The following IFI44L variants were observed in gnomAD, a reference collection of about 807,000 sequenced individuals.
IFI44L encodes the protein interferon induced protein 44 like, also known as interferon-induced protein 44-like.
A neutral mutation model predicts 39.3 loss-of-function variants in IFI44L; 40 were observed. The observed-to-expected ratio is 1.02, with a 90% confidence interval of 0.79 to 1.33. The LOEUF (loss-of-function observed/expected upper bound fraction) is 1.33. Ranked by LOEUF, IFI44L falls within the 40% of genes most tolerant of loss-of-function variation. IFI44L has a pLI of 0.00. For synonymous variants in IFI44L, 198 were observed against 182.3 expected (o/e 1.09, Z -0.69); for missense variants, 623 against 549.0 (o/e 1.13, Z -1.35).
At chr1:78,638,452 A>C (rs1454895857) in intron 6 of IFI44L, among the ~76,000 whole-genome samples, 1 of 152,086 alleles carries the variant, frequency 6.6e-6, no homozygotes. Flanking sequence ...ACTCTGGGAC[A>C]TGAATTCTAG....
chr1:78,635,026 GTATATATA>G (rs61477116), intron 4 of IFI44L, among the ~76,000 whole-genome samples: 1 of 148,160 alleles, frequency 6.7e-6, no homozygotes, highest in Admixed American at 6.7e-5. Context: ...GTGTGTATGT[GTATATATA>G]TATATATATA....
chr1:78,635,083 T>C (rs537056272), intron 4 of IFI44L, among the ~76,000 whole-genome samples: 81 of 151,794 alleles, frequency 5.3e-4, no homozygotes, highest in African/African-American at 1.9e-3. Flanking sequence ...AGAAATTTCT[T>C]TTTTAATTAA....
Position 78,646,013 on chromosome 1 carries a change from G to A in IFI44L, c.*4204G>A, listed in dbSNP as rs976502638. On this transcript the variant is annotated 3_prime_UTR_variant, in exon 9 of 9. Transcript: ENST00000370751. The stretch of plus-strand genomic sequence containing the variant: ...GAGGGCACAGGGGTGGAGGTGGGGG[G>A]GTTGAATAACAAGCTGTGCTAAATA... 1.3e-5 allele frequency: 2 copies of A among 151,936 alleles called. No individual in the cohort carries two copies. Among genetic ancestry groups the A allele is most frequent in the East Asian group, 1.9e-4 (1 of 5,188 alleles). The allele number at this position is 151,936 out of a possible 1,614,324, so 9.4% of individuals were successfully genotyped here.
intron 4 of IFI44L, among the ~76,000 whole-genome samples, chr1:78,632,062 A>G (rs977804163): frequency 5.3e-5 from 8 of 152,196 alleles, no homozygotes; most frequent in African/African-American, 1.9e-4. Flanking sequence ...AAGTACTTCT[A>G]ATGCATATTG....
chr1:78,629,662 T>C, intron 3 of IFI44L, 58 bp from the exon 4 acceptor site: 1 of 1,311,708 alleles, frequency 7.6e-7, no homozygotes, highest in Non-Finnish European at 1.1e-6. Flanking sequence ...TGAGATGTTC[T>C]TTATGGTATT....
At chr1:78,640,360 T>C (rs546492603) in intron 6 of IFI44L, among the ~76,000 whole-genome samples, 6 of 152,268 alleles carry the variant, frequency 3.9e-5, no homozygotes, top group Non-Finnish European at 7.4e-5. Flanking sequence ...TTGCTAGTTA[T>C]TCCTCTGAAA....
intron 1 of IFI44L, chr1:78,627,408 A>C (rs555541682): frequency 6.6e-6 from 1 of 152,012 alleles, no homozygotes; most frequent in South Asian, 2.1e-4. Flanking sequence ...TTTCTAATTC[A>C]TACGTTGGCA....
At chr1:78,635,867 C>G (rs923714503) in intron 5 of IFI44L, 1 of 203,354 alleles carries the variant, frequency 4.9e-6, no homozygotes, top group Admixed American at 6.1e-5. Context: ...TCATTTTATA[C>G]TGTAAATGCT....
At position 78,643,796 on chromosome 1, in the gene IFI44L, T is replaced by A. The variant is rs917705776; in HGVS notation, c.*1987T>A. On this transcript the variant is annotated 3_prime_UTR_variant, in exon 9 of 9. Coordinates refer to ENST00000370751, the MANE Select transcript of IFI44L (RefSeq NM_006820.4). ...ATGTTTCTTAACGTTACATATATTA[T>A]CTTATAGAAATAACTAAGGGAAGTT... is the stretch of plus-strand genomic sequence containing the variant. The A allele has an allele frequency of 1.3e-5, 2 of 152,072 alleles. No homozygotes were observed. The highest frequency in any genetic ancestry group is 4.8e-5 in the African/African-American group (2 of 41,410). 9.4% of individuals were successfully genotyped at this position (152,072 alleles called of 1,614,324 possible).
rs375372569 is a variant in IFI44L at position 78,641,020 on chromosome 1, G to T, written c.1049-1G>T. The T allele has an allele frequency of 6.3e-7, 1 of 1,596,832 alleles. No homozygotes were observed. The highest frequency in any genetic ancestry group is 8.6e-7 in the Non-Finnish European group (1 of 1,165,140). On this transcript the variant is annotated splice_acceptor_variant, in intron 6 of 8. Coordinates refer to ENST00000370751, the MANE Select transcript of IFI44L (RefSeq NM_006820.4). LOFTEE classifies it high-confidence loss of function. ...ATAACTGATTTATCTATTTGATATAGGTATAGCATATGTGGCCTTGCTTAC... is the reference window on the plus strand; with the variant it reads ...ATAACTGATTTATCTATTTGATATATGTATAGCATATGTGGCCTTGCTTAC...
rs752530539 is a variant in IFI44L, at chr1:78,633,693, C to T, written c.724-1644C>T. 3.3e-4 allele frequency among the ~76,000 whole-genome samples: 50 copies of T among 152,122 alleles called. No individual in the cohort carries two copies. In the Middle Eastern group the frequency reaches 0.01, roughly 31 times the overall value. ...GTCAAAAGCAATCAGGGTAACATGA[C>T]GTCAGTAAAGAGAGAAAATAACGTG... On this transcript the variant is annotated intron_variant, in intron 4 of 8. Coordinates refer to ENST00000370751, the MANE Select transcript of IFI44L (RefSeq NM_006820.4).
chr1:78,641,020 G>A lies in IFI44L; in HGVS notation c.1049-1G>A. 1 of 1,596,832 alleles carries A rather than the reference G, an allele frequency of 6.3e-7. No individual in the cohort carries two copies. The highest frequency in any genetic ancestry group is 2.2e-5 in the East Asian group (1 of 44,728). On this transcript the variant is annotated splice_acceptor_variant, in intron 6 of 8. Coordinates refer to ENST00000370751, the MANE Select transcript of IFI44L (RefSeq NM_006820.4). LOFTEE classifies it high-confidence loss of function. ...ATAACTGATTTATCTATTTGATATAGGTATAGCATATGTGGCCTTGCTTAC... is the reference window on the plus strand; with the variant it reads ...ATAACTGATTTATCTATTTGATATAAGTATAGCATATGTGGCCTTGCTTAC...
rs75931592 is a variant in IFI44L at position 78,629,887 on chromosome 1, G to A, written c.695G>A (p.Gly232Glu). The change falls in exon 4 of 9, where the codon GGG (glycine) becomes GAG (glutamate). Residue 232 changes from glycine to glutamate, a missense_variant. Physicochemically the swap from Gly to Glu is moderately conservative, Grantham distance 98 (BLOSUM62 -2). Transcript: ENST00000370751. ...CATGTGACTGGCCAAGCCGTAGTGG[G>A]GTCTGATATCACCAGCATAACCGAG... ...HGHVTGQAVV[G>E]SDITSITERY... 4.1e-4 allele frequency: 654 copies of A among 1,613,570 alleles called. 2 individuals are homozygous for A. In the African/African-American group the frequency reaches 7.7e-3, roughly 19 times the overall value.
chr1:78,622,018 ACTTCTAC>A (rs1461484782), intron 1 of IFI44L, among the ~76,000 whole-genome samples: 3 of 152,016 alleles, frequency 2.0e-5, no homozygotes, highest in Admixed American at 1.3e-4. Context: ...GACTAATAGA[ACTTCTAC>A]CTTCTATTTA....
rs762878404 is a variant in IFI44L at position 78,644,245 on chromosome 1, C to T, written c.*2436C>T. On this transcript the variant is annotated 3_prime_UTR_variant, in exon 9 of 9. Coordinates refer to ENST00000370751, the MANE Select transcript of IFI44L (RefSeq NM_006820.4). ...TTCTTTATTTTGTTTAAAGGGGTAA[C>T]ACAGAGTGCCCTTATGAAGGAGTTG... 2.6e-5 allele frequency: 4 copies of T among 152,106 alleles called. No individual in the cohort carries two copies. Among genetic ancestry groups the T allele is most frequent in the East Asian group, 1.9e-4 (1 of 5,192 alleles). The allele number at this position is 152,106 out of a possible 1,614,324, so 9.4% of individuals were successfully genotyped here. A position where few individuals can be genotyped will look rare whatever the true frequency, so the allele number is the denominator to read the frequency against.
chr1:78,628,223 C>T lies in IFI44L; in HGVS notation c.308C>T (p.Thr103Ile), dbSNP rs759991643. The T allele has an allele frequency of 6.2e-7, 1 of 1,612,682 alleles. No individual in the cohort carries two copies. The highest frequency in any genetic ancestry group is 1.1e-5 in the South Asian group (1 of 90,898). The change falls in exon 2 of 9, where the codon ACA becomes ATA. Residue 103 changes from threonine (T) to isoleucine (I), a missense_variant. Physicochemically the swap from Thr to Ile is moderately conservative, Grantham distance 89 (BLOSUM62 -1). Transcript: ENST00000370751. ...TTEIETLLLNTAPKIIDEQLV... is the reference protein window; with the variant it reads ...TTEIETLLLNIAPKIIDEQLV... ...GAAATAGAAACTTTACTCTTAAATA[C>T]AGCACCAAAAATTATTGATGAGCAA...
chr1:78,630,834 G>T lies in IFI44L; in HGVS notation c.723+919G>T, dbSNP rs998920482. Among the ~76,000 whole-genome samples the T allele has an allele frequency of 2.6e-5, 4 of 152,194 alleles. 1 individual carries two copies. The highest frequency in any genetic ancestry group is 2.0e-4 in the Admixed American group (3 of 15,270). ...TGAGTGGCTTTATTTTAATATATTA[G>T]TGTAGTCTCAGAAGCCGTGGCAAGG... On this transcript the variant is annotated intron_variant, in intron 4 of 8. Coordinates refer to ENST00000370751, the MANE Select transcript of IFI44L (RefSeq NM_006820.4).
At position 78,645,510 on chromosome 1, in the gene IFI44L, G is replaced by T. The variant is rs1200980986; in HGVS notation, c.*3701G>T. 1 of 152,080 alleles carries T rather than the reference G, an allele frequency of 6.6e-6. No homozygotes were observed. The highest frequency in any genetic ancestry group is 2.4e-5 in the African/African-American group (1 of 41,396). 9.4% of individuals were successfully genotyped at this position (152,080 alleles called of 1,614,324 possible). Reference sequence around the variant, plus strand: ...AGGTCTACAATTAATTTATTTTGACGCAAATTGATAGGGGGGCCAAGTAAG... The same window carrying T: ...AGGTCTACAATTAATTTATTTTGACTCAAATTGATAGGGGGGCCAAGTAAG... On this transcript the variant is annotated 3_prime_UTR_variant, in exon 9 of 9. Transcript: ENST00000370751.
chr1:78,631,394 C>T (rs1288967535), intron 4 of IFI44L: 2 of 152,112 alleles, frequency 1.3e-5, no homozygotes, highest in Non-Finnish European at 2.9e-5. Context: ...AGTGGGATTA[C>T]GCCTCTGCGT....
Sources: gnomAD v4.1 joint callset for allele counts (sites outside exome capture counted in the v4.1 genomes callset) on GRCh38, gnomAD v4.1.1 for gene constraint, MANE v1.5 for transcripts, NCBI Gene and HGNC (gene_info 2026-07-23, HGNC 2026-07-21) for gene names.